Variants in RANBP2 observed in about 807,000 individuals in gnomAD.
RANBP2 encodes RAN binding protein 2.
In RANBP2, 57 loss-of-function variants were observed where a neutral mutation model predicts 303.6. The observed-to-expected ratio is 0.19, with a 90% CI of 0.15 to 0.23. The LOEUF (loss-of-function observed/expected upper bound fraction) is 0.23, where lower values mean the gene tolerates loss of function less well. RANBP2 is among the 10% of genes least tolerant of loss of function. RANBP2 has a pLI of 1.00. For synonymous variants in RANBP2, 1,167 were observed against 1,301.5 expected, an observed-to-expected ratio of 0.90 and a Z score of 2.23; for missense variants, 3,138 against 3,780.8, an observed-to-expected ratio of 0.83 and a Z score of 4.46.
At chr2:109,275,882 C>T in the RANBP2 span, among the ~76,000 whole-genome samples, 1 of 152,118 alleles carries the variant, frequency 6.6e-6, no homozygotes, top group East Asian at 1.9e-4. Flanking sequence ...TGAGTCCACT[C>T]TAGGTTTATG....
chr2:109,518,915 C>CTTTTTTTTTTTTT, the RANBP2 span, among the ~76,000 whole-genome samples: 100 of 110,986 alleles, frequency 9.0e-4, 3 homozygotes, highest in African/African-American at 3.6e-3. Flanking sequence ...TGCTACATAT[C>CTTTTTTTTTTTTT]TTTTTTTTTT....
chr2:109,560,967 C>G, the RANBP2 span, among the ~76,000 whole-genome samples: 2 of 152,176 alleles, frequency 1.3e-5, no homozygotes, highest in Admixed American at 6.5e-5. Context: ...ACTGGCCTCT[C>G]CTAAGCATCT....
the RANBP2 span, among the ~76,000 whole-genome samples, chr2:109,546,570 T>C: frequency 6.6e-6 from 1 of 151,018 alleles, no homozygotes; most frequent in Non-Finnish European, 1.5e-5. Flanking sequence ...CCATGCTCAA[T>C]AAAAATAAGA....
chr2:109,286,762 G>A, the RANBP2 span, among the ~76,000 whole-genome samples: 2 of 152,262 alleles, frequency 1.3e-5, no homozygotes, highest in South Asian at 4.1e-4. Flanking sequence ...ACAGAGATGT[G>A]GTGCAGAGTG....
At chr2:108,947,660 G>C in the RANBP2 span, among the ~76,000 whole-genome samples, 1 of 152,228 alleles carries the variant, frequency 6.6e-6, no homozygotes, top group Non-Finnish European at 1.5e-5. Flanking sequence ...GGCCTGAGCT[G>C]TACCTTGGCC....
chr2:109,597,321 T>C, the RANBP2 span, among the ~76,000 whole-genome samples: 2 of 152,174 alleles, frequency 1.3e-5, no homozygotes, highest in Non-Finnish European at 2.9e-5. Flanking sequence ...CAAACAGAGC[T>C]CTGTGTAGGG....
chr2:109,650,565 T>A, the RANBP2 span, among the ~76,000 whole-genome samples: 1 of 152,126 alleles, frequency 6.6e-6, no homozygotes, highest in East Asian at 1.9e-4. Context: ...TTTGACTGTG[T>A]CCCCACCCAA....
the RANBP2 span, among the ~76,000 whole-genome samples, chr2:109,523,548 G>T: frequency 6.6e-6 from 1 of 151,770 alleles, no homozygotes; most frequent in Non-Finnish European, 1.5e-5. Context: ...GAATGGGTAG[G>T]TGCCCCTGCT....
the RANBP2 span, among the ~76,000 whole-genome samples, chr2:109,223,073 C>T: frequency 1.8e-4 from 27 of 152,256 alleles, no homozygotes; most frequent in African/African-American, 5.5e-4. Flanking sequence ...GAGGCTGGCA[C>T]CACGCCCTGA....
the RANBP2 span, among the ~76,000 whole-genome samples, chr2:109,563,750 A>G: frequency 1.3e-5 from 2 of 152,326 alleles, no homozygotes; most frequent in African/African-American, 4.8e-5. Context: ...TTCCTTTATA[A>G]TATGTTTTGC....
chr2:108,922,764 A>G, the RANBP2 span, among the ~76,000 whole-genome samples: 1 of 152,128 alleles, frequency 6.6e-6, no homozygotes, highest in Non-Finnish European at 1.5e-5. Flanking sequence ...GTCTCTCCCC[A>G]GACCACACAT....
chr2:109,114,387 C>A, the RANBP2 span, among the ~76,000 whole-genome samples: 1 of 152,074 alleles, frequency 6.6e-6, no homozygotes, highest in Non-Finnish European at 1.5e-5. Context: ...AGGAATTTAC[C>A]CATTTCTTCT....
chr2:109,562,215 A>T, the RANBP2 span, among the ~76,000 whole-genome samples: 6 of 151,242 alleles, frequency 4.0e-5, no homozygotes, highest in South Asian at 2.1e-4. Flanking sequence ...TCTATCTCAA[A>T]AATAATAATA....
the RANBP2 span, among the ~76,000 whole-genome samples, chr2:109,076,841 G>A: frequency 6.6e-6 from 1 of 150,448 alleles, no homozygotes; most frequent in African/African-American, 2.4e-5. Flanking sequence ...CATGTTGAAT[G>A]CAATCCCTAT....
the RANBP2 span, among the ~76,000 whole-genome samples, chr2:108,899,181 AACG>A: frequency 2.6e-5 from 3 of 115,612 alleles, no homozygotes; most frequent in African/African-American, 1.6e-4. Context: ...AAAGAAAAAC[AACG>A]CCTGACCTAG....
At chr2:109,276,279 G>T in the RANBP2 span, among the ~76,000 whole-genome samples, 7 of 152,216 alleles carry the variant, frequency 4.6e-5, no homozygotes, top group Non-Finnish European at 8.8e-5. Flanking sequence ...AAAGTTATTT[G>T]CTCTAGAAAA....
the RANBP2 span, chr2:109,613,132 C>G: frequency 7.8e-7 from 1 of 1,276,914 alleles, no homozygotes; most frequent in Non-Finnish European, 1.0e-6. Context: ...TTGGAAAACT[C>G]GATGTACACG....
the RANBP2 span, among the ~76,000 whole-genome samples, chr2:109,024,188 G>A: frequency 2.0e-4 from 30 of 152,304 alleles, no homozygotes; most frequent in African/African-American, 7.0e-4. Context: ...GCCTCCCAAC[G>A]TGCTGGGATT....
At chr2:109,535,543 CTT>C in the RANBP2 span, among the ~76,000 whole-genome samples, 9 of 152,170 alleles carry the variant, frequency 5.9e-5, no homozygotes, top group Non-Finnish European at 2.9e-5. Context: ...GGCTAGAAAA[CTT>C]AGGGTTCAGG....
Sources: gnomAD v4.1 joint callset for allele counts (sites outside exome capture counted in the v4.1 genomes callset) on GRCh38, gnomAD v4.1.1 for gene constraint, MANE v1.5 for transcripts, NCBI Gene and HGNC (gene_info 2026-07-23, HGNC 2026-07-21) for gene names.